The following LINGO2 variants were observed in gnomAD, a reference collection of about 807,000 sequenced individuals.
LINGO2 encodes leucine rich repeat and Ig domain containing 2, also known as leucine-rich repeat and immunoglobulin-like domain-containing nogo receptor-interacting protein 2.
LINGO2 carries 14 observed loss-of-function variants against 30.6 expected under a neutral mutation model. The ratio of observed to expected loss-of-function variants is 0.46; its 90% CI spans 0.30 to 0.72. The LOEUF is 0.72. LINGO2 is among the 30% of genes least tolerant of loss of function. The probability of loss-of-function intolerance (pLI) is 0.07; values close to 1 mark genes in which losing one functional copy is unlikely to be tolerated. For synonymous variants in LINGO2, 317 were observed against 288.5 expected (o/e 1.10, Z -1.00); for missense variants, 729 against 751.7 (o/e 0.97, Z 0.35).
At chr9:27,979,668 T>C (rs964166883) in intron 5 of LINGO2, among the ~76,000 whole-genome samples, 2 of 151,960 alleles carry the variant, frequency 1.3e-5, no homozygotes, top group African/African-American at 4.8e-5. Context: ...TAGAATCCTA[T>C]ATTTACTTCC....
intron 3 of LINGO2, among the ~76,000 whole-genome samples, chr9:28,313,866 C>G (rs183067740): frequency 6.6e-6 from 1 of 152,156 alleles, no homozygotes; most frequent in African/African-American, 2.4e-5. Flanking sequence ...TTGAAGAGGG[C>G]CTTTAAATGT....
chr9:28,299,124 C>G (rs758547019), intron 3 of LINGO2, among the ~76,000 whole-genome samples: 1 of 152,148 alleles, frequency 6.6e-6, no homozygotes, highest in South Asian at 2.1e-4. Context: ...GTTATCTCAG[C>G]TTCATCTTCC....
At chr9:28,926,055 C>T in the LINGO2 span, among the ~76,000 whole-genome samples, 1 of 152,144 alleles carries the variant, frequency 6.6e-6, no homozygotes, top group Non-Finnish European at 1.5e-5. Context: ...TGGCTCACAC[C>T]TATAATCCTA....
At chr9:28,175,466 G>A (rs1302672142) in intron 4 of LINGO2, among the ~76,000 whole-genome samples, 1 of 152,148 alleles carries the variant, frequency 6.6e-6, no homozygotes, top group Non-Finnish European at 1.5e-5. Flanking sequence ...TCTCAGAACT[G>A]TAGTTTTACC....
At chr9:28,063,132 G>C (rs991349616) in intron 4 of LINGO2, among the ~76,000 whole-genome samples, 1 of 152,096 alleles carries the variant, frequency 6.6e-6, no homozygotes, top group Non-Finnish European at 1.5e-5. Flanking sequence ...CTAGTTTCTG[G>C]AACAATCCAG....
chr9:28,911,042 A>T, the LINGO2 span, among the ~76,000 whole-genome samples: 944 of 152,138 alleles, frequency 6.2e-3, 7 homozygotes, highest in Non-Finnish European at 0.01. Flanking sequence ...CCTGCTTCCA[A>T]CCACTTAGCC....
chr9:28,632,781 C>T lies in LINGO2; in HGVS notation c.-365+37419G>A, dbSNP rs1317378273. Among the ~76,000 whole-genome samples the T allele has an allele frequency of 5.3e-4, 42 of 79,744 alleles. 1 individual carries two copies. Among genetic ancestry groups the T allele is most frequent in the African/African-American group, 1.6e-3 (38 of 23,300 alleles). 52.3% of individuals were successfully genotyped at this position (79,744 alleles called of 152,430 possible). On this transcript the variant is annotated intron_variant, in intron 1 of 5. Transcript: ENST00000379992. ...ATATATAGATTTATATATTATATATCGATTTATATTATATAGATTTATATA... is the reference window on the plus strand; with the variant it reads ...ATATATAGATTTATATATTATATATTGATTTATATTATATAGATTTATATA...
At chr9:28,864,545 A>G in the LINGO2 span, among the ~76,000 whole-genome samples, 347 of 152,298 alleles carry the variant, frequency 2.3e-3, 1 homozygote, top group Non-Finnish European at 3.5e-3. Context: ...CAGCCTAGTA[A>G]GCATAATATC....
intron 4 of LINGO2, among the ~76,000 whole-genome samples, chr9:28,028,085 GTT>G (rs760572970): frequency 6.6e-6 from 1 of 152,106 alleles, no homozygotes; most frequent in Non-Finnish European, 1.5e-5. Flanking sequence ...AGAAAATAGT[GTT>G]TGTCTTTTTT....
intron 4 of LINGO2, among the ~76,000 whole-genome samples, chr9:28,223,877 C>T (rs529162590): frequency 2.6e-5 from 4 of 152,072 alleles, no homozygotes; most frequent in African/African-American, 9.7e-5. Flanking sequence ...GAGTATTTAG[C>T]CCCCAAAATA....
the LINGO2 span, among the ~76,000 whole-genome samples, chr9:29,171,421 C>A: frequency 4.6e-5 from 7 of 151,988 alleles, no homozygotes; most frequent in Non-Finnish European, 8.8e-5. Context: ...ACAGAAACTT[C>A]CCGTATAGCC....
At chr9:28,646,599 A>G (rs1007834584) in intron 1 of LINGO2, among the ~76,000 whole-genome samples, 1 of 151,978 alleles carries the variant, frequency 6.6e-6, no homozygotes, top group Non-Finnish European at 1.5e-5. Context: ...ATTGATCCAT[A>G]TGATCTGGGG....
intron 1 of LINGO2, among the ~76,000 whole-genome samples, chr9:28,527,256 GCTC>G (rs1821072224): frequency 1.3e-5 from 2 of 152,078 alleles, no homozygotes; most frequent in Admixed American, 1.3e-4. Flanking sequence ...TTTGTCTAAT[GCTC>G]CTTAAACTGC....
At chr9:28,882,998 A>T in the LINGO2 span, among the ~76,000 whole-genome samples, 1 of 152,142 alleles carries the variant, frequency 6.6e-6, no homozygotes. Context: ...ACATACACAA[A>T]TGTGTTAACT....
At chr9:28,247,182 G>A (rs998326033) in intron 4 of LINGO2, among the ~76,000 whole-genome samples, 1 of 152,224 alleles carries the variant, frequency 6.6e-6, no homozygotes, top group African/African-American at 2.4e-5. Flanking sequence ...CATTGTGGAT[G>A]ACAGTGTGGC....
At chr9:28,387,162 TAAACACACCAATCAGCACCCTGTAA>T (rs1169676423) in intron 2 of LINGO2, among the ~76,000 whole-genome samples, 2 of 152,082 alleles carry the variant, frequency 1.3e-5, no homozygotes, top group African/African-American at 2.4e-5. Flanking sequence ...TAAAGGTTTG[TAAACACACCAATCAGCACCCTGTAA>T]AAACACACCA....
the LINGO2 span, among the ~76,000 whole-genome samples, chr9:28,918,755 G>C: frequency 6.6e-6 from 1 of 151,952 alleles, no homozygotes; most frequent in Admixed American, 6.6e-5. Flanking sequence ...CATTCCCACA[G>C]CTTCATGTTT....
chr9:28,082,462 CA>C (rs1554670429), intron 4 of LINGO2, among the ~76,000 whole-genome samples: 1 of 144,802 alleles, frequency 6.9e-6, no homozygotes, highest in Non-Finnish European at 1.6e-5. Context: ...CATCTTAATA[CA>C]ATTTTTTTTT....
chr9:27,976,783 A>G lies in LINGO2; in HGVS notation c.-35-26077T>C, dbSNP rs554676676. On this transcript the variant is annotated intron_variant, in intron 5 of 5. Coordinates refer to ENST00000379992, the Ensembl canonical transcript of LINGO2. ...AGGTGATTAAGCTTTAAGAAAGCAC[A>G]AAATAAATGTTACATCCTTCATATT... is the stretch of plus-strand genomic sequence containing the variant. Among the ~76,000 whole-genome samples, 230 of 152,240 alleles carry G rather than the reference A, an allele frequency of 1.5e-3. 1 individual carries two copies. The highest frequency in any genetic ancestry group is 2.8e-3 in the Non-Finnish European group (188 of 68,000).
Sources: gnomAD v4.1 joint callset for allele counts (sites outside exome capture counted in the v4.1 genomes callset) on GRCh38, gnomAD v4.1.1 for gene constraint, MANE v1.5 for transcripts, NCBI Gene and HGNC (gene_info 2026-07-23, HGNC 2026-07-21) for gene names.